BANK1: variants seen among roughly 807,000 people sequenced by gnomAD.
BANK1 encodes B cell scaffold protein with ankyrin repeats 1, also known as B-cell scaffold protein with ankyrin repeats.
BANK1 carries 95 observed loss-of-function variants against 94.5 expected under a neutral mutation model. The observed-to-expected ratio is 1.00, with a 90% CI of 0.85 to 1.19. BANK1 has a LOEUF of 1.19. Ranked by LOEUF, BANK1 falls within the 50% of genes most tolerant of loss-of-function variation. BANK1 has a pLI of 0.00. For synonymous variants in BANK1, 334 were observed against 308.4 expected (o/e 1.08, Z -0.87); for missense variants, 987 against 932.2 (o/e 1.06, Z -0.77).
chr4:101,792,470 T>G lies in BANK1; in HGVS notation c.70+1520T>G, dbSNP rs981997664. On this transcript the variant is annotated intron_variant, in intron 1 of 16. Transcript: ENST00000322953. ...GTGTGTGTGTGTGTGTGTGTGTGTG[T>G]TTTTTTTTTTTTAATGAAGAGCTCC... Among the ~76,000 whole-genome samples, 5 of 41,090 alleles carry G rather than the reference T, an allele frequency of 1.2e-4. No individual in the cohort carries two copies. In the East Asian group the frequency reaches 3.4e-3, roughly 28 times the overall value. 27.0% of individuals were successfully genotyped at this position (41,090 alleles called of 152,430 possible).
intron 7 of BANK1, among the ~76,000 whole-genome samples, chr4:101,943,525 C>CT (rs1214692493): frequency 6.6e-6 from 1 of 151,608 alleles, no homozygotes; most frequent in Non-Finnish European, 1.5e-5. Context: ...GCTTAAGTGT[C>CT]TAAGTAAATA....
At chr4:101,875,372 T>C (rs1328641984) in intron 5 of BANK1, among the ~76,000 whole-genome samples, 2 of 152,162 alleles carry the variant, frequency 1.3e-5, no homozygotes, top group African/African-American at 4.8e-5. Context: ...TGATACTGGG[T>C]AATTTATAAA....
chr4:101,821,927 C>T (rs990540590), intron 1 of BANK1, among the ~76,000 whole-genome samples: 1 of 152,162 alleles, frequency 6.6e-6, no homozygotes, highest in African/African-American at 2.4e-5. Context: ...ATGGTGCTTT[C>T]AATCAAGGTA....
chr4:102,037,139 T>G lies in BANK1; in HGVS notation c.1901-6700T>G, dbSNP rs528301280. On this transcript the variant is annotated intron_variant, in intron 10 of 16. Transcript: ENST00000322953. Reference sequence around the variant, plus strand: ...AAGTAGTTCTTAACTGGCAGTGATTTGCTTCTCATAAGACATTTGTCAATG... The same window carrying G: ...AAGTAGTTCTTAACTGGCAGTGATTGGCTTCTCATAAGACATTTGTCAATG... Among the ~76,000 whole-genome samples the G allele has an allele frequency of 7.2e-5, 11 of 152,344 alleles. No homozygotes were observed. The East Asian group carries it at 2.1e-3, about 29-fold the overall frequency.
chr4:101,825,805 A>T (rs1163564753), intron 1 of BANK1, among the ~76,000 whole-genome samples: 1 of 152,098 alleles, frequency 6.6e-6, no homozygotes, highest in East Asian at 1.9e-4. Flanking sequence ...GAGAATTGTC[A>T]TATGAGGTTA....
chr4:102,027,480 C>T (rs1221639301), intron 9 of BANK1, among the ~76,000 whole-genome samples: 1 of 151,988 alleles, frequency 6.6e-6, no homozygotes, highest in Non-Finnish European at 1.5e-5. Context: ...TTTGATAGTA[C>T]TGATATTAGA....
intron 1 of BANK1, among the ~76,000 whole-genome samples, chr4:101,799,598 G>T (rs1725281217): frequency 1.3e-5 from 2 of 152,156 alleles, no homozygotes; most frequent in South Asian, 4.1e-4. Flanking sequence ...TTGGTGGCCG[G>T]GCCTGGTGGC....
At chr4:101,956,140 C>CA (rs947909117) in intron 7 of BANK1, among the ~76,000 whole-genome samples, 11 of 151,616 alleles carry the variant, frequency 7.3e-5, no homozygotes, top group East Asian at 3.9e-4. Context: ...TTTGGAAATA[C>CA]AAAAAAAATA....
chr4:101,845,578 T>C (rs1180424164), intron 2 of BANK1, among the ~76,000 whole-genome samples: 2 of 152,178 alleles, frequency 1.3e-5, no homozygotes, highest in African/African-American at 4.8e-5. Context: ...GGATTACACA[T>C]TTGACACAAT....
intron 5 of BANK1, among the ~76,000 whole-genome samples, chr4:101,891,163 C>A (rs1721855276): frequency 6.6e-6 from 1 of 152,022 alleles, no homozygotes; most frequent in Non-Finnish European, 1.5e-5. Context: ...GAGAACTTTT[C>A]TTTTTCCATT....
intron 10 of BANK1, among the ~76,000 whole-genome samples, chr4:102,041,584 T>G (rs1727702873): frequency 6.6e-6 from 1 of 151,954 alleles, no homozygotes. Flanking sequence ...AAAAGAGAAC[T>G]CAGAGGTGGG....
chr4:101,933,932 T>C (rs1723441784), intron 7 of BANK1, among the ~76,000 whole-genome samples: 1 of 151,458 alleles, frequency 6.6e-6, no homozygotes, highest in African/African-American at 2.4e-5. Flanking sequence ...TTTAGAGTGA[T>C]TTGAGTCTTT....
intron 13 of BANK1, among the ~76,000 whole-genome samples, chr4:102,063,461 CTCTT>C (rs1363974110): frequency 6.6e-6 from 1 of 151,790 alleles, no homozygotes; most frequent in Non-Finnish European, 1.5e-5. Context: ...GCTTGTTACT[CTCTT>C]TCTTTTGATG....
intron 6 of BANK1, among the ~76,000 whole-genome samples, chr4:101,900,909 C>T (rs181652181): frequency 6.2e-4 from 95 of 152,226 alleles, no homozygotes; most frequent in African/African-American, 2.0e-3. Flanking sequence ...CTGAGTCCTA[C>T]GCATTGTTGT....
chr4:101,944,372 T>C (rs771973255), intron 7 of BANK1, among the ~76,000 whole-genome samples: 5 of 151,890 alleles, frequency 3.3e-5, no homozygotes, highest in Non-Finnish European at 5.9e-5. Flanking sequence ...CTCCATGATC[T>C]CCCTTTTCTT....
intron 13 of BANK1, among the ~76,000 whole-genome samples, chr4:102,063,486 T>C (rs1324669490): frequency 1.3e-5 from 2 of 152,028 alleles, no homozygotes; most frequent in Non-Finnish European, 2.9e-5. Context: ...TCTATGTAAG[T>C]TGCAAATAGG....
At chr4:101,817,284 C>A (rs1390896111) in intron 1 of BANK1, among the ~76,000 whole-genome samples, 2 of 152,012 alleles carry the variant, frequency 1.3e-5, no homozygotes, top group African/African-American at 4.8e-5. Context: ...AACCCAAATG[C>A]CCATCAATGA....
At chr4:101,893,011 A>G (rs1459384528) in intron 5 of BANK1, among the ~76,000 whole-genome samples, 1 of 152,046 alleles carries the variant, frequency 6.6e-6, no homozygotes, top group African/African-American at 2.4e-5. Context: ...TGCAAGCATA[A>G]TACTAGGAGT....
chr4:101,998,888 T>G (rs1181016065), intron 7 of BANK1, among the ~76,000 whole-genome samples: 1 of 152,178 alleles, frequency 6.6e-6, no homozygotes, highest in Non-Finnish European at 1.5e-5. Flanking sequence ...CTCTGTTTCC[T>G]GGGTCCCATG....
Sources: allele counts gnomAD v4.1 joint callset (sites outside exome capture counted in the v4.1 genomes callset), GRCh38; gene constraint gnomAD v4.1.1; transcripts MANE v1.5; gene names NCBI Gene and HGNC (gene_info 2026-07-23, HGNC 2026-07-21).